Variants in ODF2 observed in about 807,000 individuals in gnomAD.
ODF2 encodes the protein outer dense fiber protein 2.
In ODF2, 47 loss-of-function variants were observed where a neutral mutation model predicts 110.2. The ratio of observed to expected loss-of-function variants is 0.43; its 90% CI spans 0.34 to 0.54. The LOEUF (loss-of-function observed/expected upper bound fraction) is 0.54. Among genes scored for constraint, ODF2 ranks in the 20% least tolerant of loss-of-function variants. The pLI, the probability that ODF2 is intolerant of heterozygous loss-of-function variation, is 0.03. For missense variants in ODF2, 812 were observed against 1,054.5 expected, an observed-to-expected ratio of 0.77 and a Z score of 3.19; for synonymous variants, 352 against 397.7, an observed-to-expected ratio of 0.89 and a Z score of 1.37.
At chr9:128,469,203 G>C (rs1839093342) in exon 5 of ODF2, 1 of 1,613,968 alleles carries the variant, frequency 6.2e-7, no homozygotes, top group Non-Finnish European at 8.5e-7. Flanking sequence ...ATTGCCTGGA[G>C]ATCACGCCAC....
chr9:128,456,260 G>C lies in ODF2; in HGVS notation c.-209+5G>C, dbSNP rs1358485432. 1.3e-6 allele frequency: 2 copies of C among 1,532,958 alleles called. No individual in the cohort carries two copies. Among genetic ancestry groups the C allele is most frequent in the South Asian group, 1.2e-5 (1 of 81,864 alleles). The allele number at this position is 1,532,958 out of a possible 1,614,324, so 95.0% of individuals were successfully genotyped here. On this transcript the variant is annotated splice_donor_5th_base_variant and intron_variant, in intron 1 of 20. Coordinates refer to ENST00000604420, the Ensembl canonical transcript of ODF2. ...GGCGCAGCCGTGTCGCTCCTGGTGA[G>C]AGGCCGCCGGCAGGCGGGATCCAGC... is the stretch of plus-strand genomic sequence containing the variant.
At chr9:128,483,052 C>T (rs921073746) in intron 10 of ODF2, among the ~76,000 whole-genome samples, 165 bp downstream of exon 10, 3 of 152,114 alleles carry the variant, frequency 2.0e-5, no homozygotes, top group African/African-American at 4.8e-5. Context: ...TGCGCCACCA[C>T]GCCCAGCTAA....
At chr9:128,480,824 AT>A (rs1740997622) in intron 8 of ODF2, among the ~76,000 whole-genome samples, 1 of 151,454 alleles carries the variant, frequency 6.6e-6, no homozygotes, top group Non-Finnish European at 1.5e-5. Context: ...TCTCTAAAAA[AT>A]AAAAAAAATT....
At chr9:128,477,715 C>T (rs1186212734) in intron 8 of ODF2, among the ~76,000 whole-genome samples, 5 of 151,812 alleles carry the variant, frequency 3.3e-5, no homozygotes, top group Non-Finnish European at 4.4e-5. Flanking sequence ...AAGAGATTCT[C>T]CTGCCTCAGC....
chr9:128,498,269 G>C lies in ODF2; in HGVS notation c.2013-144G>C, dbSNP rs1465685971. 2.3e-6 allele frequency: 3 copies of C among 1,302,124 alleles called. No homozygotes were observed. The East Asian group carries it at 8.5e-5, about 37-fold the overall frequency. 80.7% of individuals were successfully genotyped at this position (1,302,124 alleles called of 1,614,324 possible). A position where few individuals can be genotyped will look rare whatever the true frequency, so the allele number is the denominator to read the frequency against. On this transcript the variant is annotated intron_variant, in intron 18 of 20. Transcript: ENST00000604420. ...TCTTTGGTCGCCTTGCTGATCTGCA[G>C]ATTTCTTTGGCTTATTCCTGTGGCT...
At chr9:128,473,845 G>A in intron 8 of ODF2, 104 bp downstream of exon 8, 2 of 998,624 alleles carry the variant, frequency 2.0e-6, no homozygotes, top group Non-Finnish European at 2.9e-6. Context: ...CCCGACCTGA[G>A]AGGTCCTTAG....
intron 1 of ODF2, chr9:128,456,847 G>A: frequency 1.5e-6 from 2 of 1,310,498 alleles, no homozygotes; most frequent in Non-Finnish European, 1.9e-6. Flanking sequence ...GGCGCCCGGG[G>A]CCCGTGCAAC....
At chr9:128,475,322 A>G (rs1459125335) in intron 8 of ODF2, among the ~76,000 whole-genome samples, 1 of 138,168 alleles carries the variant, frequency 7.2e-6, no homozygotes, top group Non-Finnish European at 1.5e-5. Flanking sequence ...CATGAATACC[A>G]AGGGATGACT....
rs775814972 is a variant in ODF2 at position 128,485,415 on chromosome 9, C to G, written c.1341C>G (p.Arg447=). ...CCACTCTGGAATCCTGGAGGAGCCG[C>G]TACAACCAAGTTGTAAAAGAAAAGG... Residue 447 remains arginine (R), a synonymous_variant, in exon 13 of 21, where the codon CGC becomes CGG. Coordinates refer to ENST00000604420, the Ensembl canonical transcript of ODF2. The surrounding 1 kb of genome is among the most constrained non-coding windows in gnomAD (Gnocchi z 5.0). 1.1e-5 allele frequency: 17 copies of G among 1,612,370 alleles called. No homozygotes were observed. The highest frequency in any genetic ancestry group is 1.4e-5 in the Non-Finnish European group (16 of 1,178,722).
chr9:128,488,849 CA>C (rs556242835), intron 14 of ODF2, among the ~76,000 whole-genome samples: 7 of 151,668 alleles, frequency 4.6e-5, no homozygotes. Flanking sequence ...ACTAAAAATA[CA>C]AAAAAAATTA....
At chr9:128,476,347 G>A (rs759879666) in intron 8 of ODF2, among the ~76,000 whole-genome samples, 4 of 152,146 alleles carry the variant, frequency 2.6e-5, no homozygotes, top group Admixed American at 6.6e-5. Context: ...GAGTGCAATG[G>A]CACAGTCTTG....
exon 5 of ODF2, chr9:128,469,186 C>T: frequency 6.2e-7 from 1 of 1,613,794 alleles, no homozygotes; most frequent in Middle Eastern, 1.7e-4. Context: ...ACATCAGAAT[C>T]CACCTCATTG....
intron 18 of ODF2, chr9:128,496,445 A>G (rs972951202): frequency 8.2e-6 from 7 of 854,622 alleles, no homozygotes; most frequent in Non-Finnish European, 1.1e-5. Context: ...GTTTGAATGG[A>G]GCAGCCAGTA....
intron 4 of ODF2, among the ~76,000 whole-genome samples, chr9:128,464,113 G>A (rs958868371): frequency 2.0e-5 from 3 of 150,998 alleles, no homozygotes; most frequent in Non-Finnish European, 4.4e-5. Context: ...CCAAAGTGCT[G>A]GGATAACAGG....
chr9:128,496,199 C>T (rs1239134089), intron 18 of ODF2, 58 bp downstream of exon 18: 3 of 1,608,998 alleles, frequency 1.9e-6, no homozygotes, highest in Non-Finnish European at 2.5e-6. Flanking sequence ...CTTTCAGCCA[C>T]TTAGCTGTTT....
intron 18 of ODF2, among the ~76,000 whole-genome samples, chr9:128,496,927 C>T (rs1050145309): frequency 1.1e-4 from 17 of 151,904 alleles, no homozygotes; most frequent in African/African-American, 3.4e-4. Context: ...GGGGTTTCGC[C>T]GTGTTGCCCA....
At chr9:128,469,519 A>C in intron 5 of ODF2, 166 bp downstream of exon 5, 1 of 659,314 alleles carries the variant, frequency 1.5e-6, no homozygotes. Context: ...CTGGGGCAGC[A>C]TGGGATCCCA....
At chr9:128,470,167 A>T (rs1839620058) in intron 5 of ODF2, among the ~76,000 whole-genome samples, 1 of 149,474 alleles carries the variant, frequency 6.7e-6, no homozygotes, top group African/African-American at 2.5e-5. Context: ...TGGAAGTCCA[A>T]GGTCCCCAAC....
intron 4 of ODF2, among the ~76,000 whole-genome samples, chr9:128,463,621 C>T (rs553639236): frequency 6.6e-6 from 1 of 152,240 alleles, no homozygotes; most frequent in South Asian, 2.1e-4. Context: ...GATATTTATG[C>T]ATGATAATGA....
Sources: allele counts gnomAD v4.1 joint callset (sites outside exome capture counted in the v4.1 genomes callset), GRCh38; gene constraint gnomAD v4.1.1; non-coding constraint Gnocchi (gnomAD v3.1); transcripts MANE v1.5; gene names NCBI Gene and HGNC (gene_info 2026-07-23, HGNC 2026-07-21).